The following RUNX1T1 variants were observed in gnomAD, a reference collection of about 807,000 sequenced individuals.
RUNX1T1 encodes RUNX1 partner transcriptional co-repressor 1.
A neutral mutation model predicts 62.8 loss-of-function variants in RUNX1T1; 4 were observed. The observed-to-expected ratio is 0.06, with a 90% confidence interval of 0.03 to 0.15. RUNX1T1 has a LOEUF of 0.15. Ranked by LOEUF, RUNX1T1 falls within the 10% of genes least tolerant of loss-of-function variation. The pLI, the probability that RUNX1T1 is intolerant of heterozygous loss-of-function variation, is 1.00. For missense variants in RUNX1T1, 508 were observed against 754.3 expected (o/e 0.67, Z 3.82); for synonymous variants, 291 against 286.0 (o/e 1.02, Z -0.18).
rs56037232 is a variant in RUNX1T1, at chr8:91,959,412, TTGTGTGTGTGTG to T, written c.*818_*829del. 603 of 139,380 alleles carry T rather than the reference TTGTGTGTGTGTG, an allele frequency of 4.3e-3. 4 individuals carry two copies. Among genetic ancestry groups the T allele is most frequent in the African/African-American group, 5.6e-3 (119 of 21,088 alleles). The allele number at this position is 139,380 out of a possible 1,614,324, so 8.6% of individuals were successfully genotyped here. On this transcript the variant is annotated 3_prime_UTR_variant, in exon 11 of 11. Coordinates refer to ENST00000396218, the Ensembl canonical transcript of RUNX1T1. ...ATTAACTGCAGGCTGAGTCTCTTAC[TTGTGTGTGTGTG>T]TGTGTGTGTGTGTGTGTGTGTGTGT...
intron 1 of RUNX1T1, among the ~76,000 whole-genome samples, chr8:92,022,002 C>T (rs893845031): frequency 3.3e-5 from 5 of 151,468 alleles, no homozygotes; most frequent in African/African-American, 1.2e-4. Context: ...ACAGCCATAT[C>T]ACATTACCTC....
chr8:91,990,288 A>T lies in RUNX1T1; in HGVS notation c.910+1351T>A, dbSNP rs1817400964. On this transcript the variant is annotated intron_variant, in intron 6 of 10. Transcript: ENST00000396218. ...CCTCAGCTCCACTTTCTGGTTTTCT[A>T]CTTGCATTTCATCCCTTGCTCTTTC... is the stretch of plus-strand genomic sequence containing the variant. Among the ~76,000 whole-genome samples, 2 of 152,210 alleles carry T rather than the reference A, an allele frequency of 1.3e-5. 1 individual carries two copies. Among genetic ancestry groups the T allele is most frequent in the South Asian group, 4.1e-4 (2 of 4,828 alleles).
At chr8:92,026,202 G>T (rs1043747563) in intron 1 of RUNX1T1, among the ~76,000 whole-genome samples, 6 of 152,088 alleles carry the variant, frequency 3.9e-5, no homozygotes, top group African/African-American at 1.2e-4. Context: ...CCAAAGAAAT[G>T]CCCCAATAAA....
intron 1 of RUNX1T1, among the ~76,000 whole-genome samples, chr8:92,060,626 A>G (rs1177820828): frequency 6.7e-6 from 1 of 148,366 alleles, no homozygotes; most frequent in Non-Finnish European, 1.5e-5. Flanking sequence ...ATGATATCAG[A>G]GTGCATAGAA....
intron 1 of RUNX1T1, among the ~76,000 whole-genome samples, chr8:92,023,164 A>T (rs1258484286): frequency 6.6e-6 from 1 of 152,208 alleles, no homozygotes; most frequent in East Asian, 1.9e-4. Context: ...GGACCCAGGG[A>T]GCAAATAGTC....
chr8:91,966,669 T>C (rs535829873), intron 10 of RUNX1T1, among the ~76,000 whole-genome samples: 14 of 152,120 alleles, frequency 9.2e-5, no homozygotes, highest in African/African-American at 3.4e-4. Context: ...ATAAAAGAAT[T>C]TAAGATGATC....
At chr8:91,960,153 AC>A in exon 11 of RUNX1T1, 1 of 1,369,178 alleles carries the variant, frequency 7.3e-7, no homozygotes, top group East Asian at 2.5e-5. Flanking sequence ...AAACAAACAA[AC>A]AAAAAAAACA....
chr8:91,955,683 C>T (rs1326487839), downstream of RUNX1T1: 5 of 225,364 alleles, frequency 2.2e-5, no homozygotes, highest in East Asian at 3.2e-4. Flanking sequence ...GCTCATGCAC[C>T]TGCTGTGCCA....
chr8:92,095,487 G>C (rs774432957), intron 1 of RUNX1T1: 2 of 1,527,926 alleles, frequency 1.3e-6, no homozygotes, highest in South Asian at 1.2e-5. Context: ...GTGAGTGTGT[G>C]AGCGCAGGAG....
chr8:91,977,497 C>T (rs2130722475), intron 8 of RUNX1T1: 1 of 191,482 alleles, frequency 5.2e-6, no homozygotes, highest in Middle Eastern at 1.8e-3. Context: ...TGTGATACAG[C>T]TAATTAGATT....
intron 1 of RUNX1T1, among the ~76,000 whole-genome samples, chr8:92,034,813 C>CATATAT (rs1563811239): frequency 2.6e-5 from 3 of 114,418 alleles, no homozygotes; most frequent in African/African-American, 9.8e-5. Flanking sequence ...CACACACACA[C>CATATAT]ACACACACAC....
chr8:92,023,427 A>G (rs2131235789), intron 1 of RUNX1T1, among the ~76,000 whole-genome samples: 1 of 152,316 alleles, frequency 6.6e-6, no homozygotes, highest in East Asian at 1.9e-4. Context: ...GAAAGTGATG[A>G]TCATAACTAG....
intron 1 of RUNX1T1, among the ~76,000 whole-genome samples, chr8:92,052,891 T>A (rs544859411): frequency 3.3e-5 from 5 of 152,292 alleles, no homozygotes; most frequent in Admixed American, 3.3e-4. Flanking sequence ...GTTTAGAAAA[T>A]CAGCAACATT....
At chr8:92,102,687 C>T (rs1458342007), upstream of RUNX1T1, among the ~76,000 whole-genome samples, 1 of 152,212 alleles carries the variant, frequency 6.6e-6, no homozygotes, top group Non-Finnish European at 1.5e-5. The surrounding 1 kb of genome is among the most constrained non-coding windows in gnomAD (Gnocchi z 4.5). Flanking sequence ...CGCGATGTTC[C>T]TCTTTGCCCT....
chr8:91,984,935 T>G lies in RUNX1T1; in HGVS notation c.1198+1189A>C, dbSNP rs140366720. Among the ~76,000 whole-genome samples the G allele has an allele frequency of 8.2e-3, 1,249 of 152,304 alleles. 20 individuals are homozygous for G. The highest frequency in any genetic ancestry group is 0.028 in the African/African-American group (1,177 of 41,572). On this transcript the variant is annotated intron_variant, in intron 8 of 10. Transcript: ENST00000396218. ...TAACTGCCTTAGACTCTTTCATTAT[T>G]TAATACTTATGATAATAGGCATTCG...
intron 1 of RUNX1T1, among the ~76,000 whole-genome samples, chr8:92,042,202 T>A (rs1828604166): frequency 6.6e-6 from 1 of 152,212 alleles, no homozygotes; most frequent in South Asian, 2.1e-4. Flanking sequence ...CTGCCTATGA[T>A]ATCATGATGA....
intron 5 of RUNX1T1, chr8:92,003,294 G>A (rs1339484268): frequency 2.4e-5 from 11 of 455,210 alleles, no homozygotes; most frequent in Non-Finnish European, 4.9e-5. Flanking sequence ...ATACTGCCCA[G>A]CACTTACCTT....
intron 1 of RUNX1T1, among the ~76,000 whole-genome samples, chr8:92,059,070 G>A (rs1831489112): frequency 6.6e-6 from 1 of 152,118 alleles, no homozygotes; most frequent in South Asian, 2.1e-4. Flanking sequence ...GAAGGGAGAG[G>A]GTTTCAGGGT....
intron 10 of RUNX1T1, among the ~76,000 whole-genome samples, chr8:91,965,557 C>T (rs1049905943): frequency 6.6e-6 from 1 of 152,136 alleles, no homozygotes; most frequent in Non-Finnish European, 1.5e-5. Flanking sequence ...TATCTTCTTC[C>T]TGAGCTTTGT....
Sources: gnomAD v4.1 joint callset for allele counts (sites outside exome capture counted in the v4.1 genomes callset) on GRCh38, gnomAD v4.1.1 for gene constraint, Gnocchi (gnomAD v3.1) non-coding constraint, MANE v1.5 for transcripts, NCBI Gene and HGNC (gene_info 2026-07-23, HGNC 2026-07-21) for gene names.